The following KCNIP1 variants were observed in gnomAD, a reference collection of about 807,000 sequenced individuals.
The protein encoded by KCNIP1 is A-type potassium channel modulatory protein KCNIP1.
KCNIP1 carries 18 observed loss-of-function variants against 33.0 expected under a neutral mutation model. That is an observed-to-expected ratio of 0.55 (90% CI 0.38 to 0.81). The LOEUF (loss-of-function observed/expected upper bound fraction) is 0.81, where lower values mean the gene tolerates loss of function less well. Ranked by LOEUF, KCNIP1 falls within the 30% of genes least tolerant of loss-of-function variation. The probability of loss-of-function intolerance (pLI) is 0.00; values close to 1 mark genes in which losing one functional copy is unlikely to be tolerated. For synonymous variants in KCNIP1, 93 were observed against 98.3 expected (o/e 0.95, Z 0.32); for missense variants, 238 against 271.6 (o/e 0.88, Z 0.87).
intron 1 of KCNIP1, chr5:170,681,129 T>C (rs1437749930): frequency 7.5e-6 from 3 of 399,078 alleles, no homozygotes; most frequent in Non-Finnish European, 1.3e-5. Flanking sequence ...GGTCGTGTGC[T>C]CCTCCCTGAA....
At chr5:170,426,947 A>AG (rs1455574568) in intron 1 of KCNIP1, among the ~76,000 whole-genome samples, 6 of 152,102 alleles carry the variant, frequency 3.9e-5, no homozygotes, top group African/African-American at 1.4e-4. Flanking sequence ...CCACAGGGAG[A>AG]GGGAAGAGGC....
chr5:170,699,932 G>A (rs1351575588), intron 1 of KCNIP1, among the ~76,000 whole-genome samples: 1 of 152,176 alleles, frequency 6.6e-6, no homozygotes, highest in Non-Finnish European at 1.5e-5. Flanking sequence ...GAGGGACCAA[G>A]TTTGTTTCAG....
At chr5:170,462,595 A>G (rs1756529321) in intron 1 of KCNIP1, among the ~76,000 whole-genome samples, 1 of 152,236 alleles carries the variant, frequency 6.6e-6, no homozygotes, top group Non-Finnish European at 1.5e-5. Flanking sequence ...TACTAAAAGT[A>G]GAACTACCAT....
At chr5:170,706,351 C>T (rs1025092961) in intron 1 of KCNIP1, among the ~76,000 whole-genome samples, 2 of 152,116 alleles carry the variant, frequency 1.3e-5, no homozygotes, top group Admixed American at 6.5e-5. Flanking sequence ...TGGGTCATAC[C>T]GTGCTTCCCA....
intron 1 of KCNIP1, among the ~76,000 whole-genome samples, chr5:170,596,518 G>T (rs1458450554): frequency 6.6e-6 from 1 of 152,238 alleles, no homozygotes; most frequent in African/African-American, 2.4e-5. Flanking sequence ...CAGTAGGGAA[G>T]AGGAATGGCA....
At chr5:170,427,344 G>A (rs1755637786) in intron 1 of KCNIP1, among the ~76,000 whole-genome samples, 1 of 152,188 alleles carries the variant, frequency 6.6e-6, no homozygotes, top group African/African-American at 2.4e-5. Flanking sequence ...GCCAGGTTCT[G>A]GCAGCTTATG....
At chr5:170,476,548 C>T (rs569468190) in intron 1 of KCNIP1, among the ~76,000 whole-genome samples, 1 of 152,180 alleles carries the variant, frequency 6.6e-6, no homozygotes, top group Admixed American at 6.5e-5. Context: ...TTTGTTTAGC[C>T]TTAAAAAATA....
chr5:170,700,162 G>A (rs1763045019), intron 1 of KCNIP1, among the ~76,000 whole-genome samples: 1 of 151,916 alleles, frequency 6.6e-6, no homozygotes, highest in Non-Finnish European at 1.5e-5. Flanking sequence ...GCTCCTTGTA[G>A]AGGATGTTCC....
In KCNIP1 at chr5:170,682,474, A is replaced by G. The variant is rs1031757671; in HGVS notation, c.62-36284A>G. On this transcript the variant is annotated intron_variant, in intron 1 of 7. Coordinates refer to ENST00000328939, the MANE Select transcript of KCNIP1 (RefSeq NM_014592.4). ...TTTTAGCTTTAGCTAAAATTTAGTG[A>G]CTCTATGACCCTAAGGCCCTGCTTC... is the stretch of plus-strand genomic sequence containing the variant. 6.6e-5 allele frequency among the ~76,000 whole-genome samples: 10 copies of G among 151,994 alleles called. 1 individual carries two copies. Among genetic ancestry groups the G allele is most frequent in the Non-Finnish European group, 1.3e-4 (9 of 67,990 alleles).
chr5:170,407,941 T>C (rs1257113880), intron 1 of KCNIP1, among the ~76,000 whole-genome samples: 2 of 152,188 alleles, frequency 1.3e-5, no homozygotes, highest in Non-Finnish European at 2.9e-5. Flanking sequence ...AGCATGGGCT[T>C]TGTTGAAGCA....
intron 1 of KCNIP1, among the ~76,000 whole-genome samples, chr5:170,606,861 C>T (rs745607919): frequency 6.6e-6 from 1 of 152,174 alleles, no homozygotes; most frequent in African/African-American, 2.4e-5. Context: ...GCTCTGGTTC[C>T]CCTCCACCGA....
intron 1 of KCNIP1, among the ~76,000 whole-genome samples, chr5:170,387,473 A>G (rs1046509748): frequency 6.6e-6 from 1 of 152,180 alleles, no homozygotes; most frequent in Admixed American, 6.6e-5. Context: ...AGGGTCAGGC[A>G]CCACGGATAC....
intron 1 of KCNIP1, among the ~76,000 whole-genome samples, chr5:170,439,103 A>T (rs1367007069): frequency 1.3e-5 from 2 of 152,138 alleles, no homozygotes; most frequent in Non-Finnish European, 2.9e-5. Context: ...TTCACAGGAG[A>T]AAAAAACAAT....
chr5:170,591,450 A>G (rs563412417), intron 1 of KCNIP1, among the ~76,000 whole-genome samples: 2 of 152,212 alleles, frequency 1.3e-5, no homozygotes, highest in Non-Finnish European at 2.9e-5. Flanking sequence ...GGTAAAATAT[A>G]TGTAACAGAA....
At chr5:170,635,253 C>CT (rs1197460098) in intron 1 of KCNIP1, among the ~76,000 whole-genome samples, 1 of 152,192 alleles carries the variant, frequency 6.6e-6, no homozygotes. Flanking sequence ...TTGTCTCAAA[C>CT]ACCTGACCTC....
chr5:170,670,623 T>C (rs975498410), intron 1 of KCNIP1, among the ~76,000 whole-genome samples: 6 of 152,170 alleles, frequency 3.9e-5, no homozygotes, highest in African/African-American at 1.4e-4. Context: ...CCAGGCGCAG[T>C]GGCTCACGCC....
At chr5:170,663,253 G>A (rs146196229) in intron 1 of KCNIP1, among the ~76,000 whole-genome samples, 7 of 152,288 alleles carry the variant, frequency 4.6e-5, no homozygotes, top group Middle Eastern at 3.4e-3. Flanking sequence ...GTGAAACTCT[G>A]GGGTATTTGA....
At chr5:170,611,587 C>A (rs1478706767) in intron 1 of KCNIP1, among the ~76,000 whole-genome samples, 3 of 152,216 alleles carry the variant, frequency 2.0e-5, no homozygotes, top group Non-Finnish European at 4.4e-5. Flanking sequence ...GTCTCTCTAG[C>A]CTTCCCTCTC....
At chr5:170,584,744 T>C (rs1757925331) in intron 1 of KCNIP1, among the ~76,000 whole-genome samples, 1 of 152,200 alleles carries the variant, frequency 6.6e-6, no homozygotes, top group Non-Finnish European at 1.5e-5. Context: ...TGCTCCTTTT[T>C]TTCTAGCTGA....
Sources: allele counts gnomAD v4.1 joint callset (sites outside exome capture counted in the v4.1 genomes callset), GRCh38; gene constraint gnomAD v4.1.1; transcripts MANE v1.5; gene names NCBI Gene and HGNC (gene_info 2026-07-23, HGNC 2026-07-21).